ANK3: variants seen among roughly 807,000 people sequenced by gnomAD.
ANK3 encodes ankyrin-3.
In ANK3, 57 loss-of-function variants were observed where a neutral mutation model predicts 370.9. That is an observed-to-expected ratio of 0.15 (90% CI 0.12 to 0.19). The LOEUF is 0.19. Among genes scored for constraint, ANK3 ranks in the 10% least tolerant of loss-of-function variants. ANK3 has a pLI of 1.00. For missense variants in ANK3, 4,439 were observed against 5,302.1 expected (o/e 0.84, Z 5.06); for synonymous variants, 1,929 against 1,946.3 (o/e 0.99, Z 0.23).
chr10:60,418,334 G>T (rs117469912), intron 2 of ANK3, among the ~76,000 whole-genome samples: 1 of 152,078 alleles, frequency 6.6e-6, no homozygotes, highest in Non-Finnish European at 1.5e-5. Context: ...CCTATGTCTC[G>T]TTAGGTGGTT....
chr10:60,456,647 G>C (rs2064755565), intron 2 of ANK3, among the ~76,000 whole-genome samples: 1 of 152,076 alleles, frequency 6.6e-6, no homozygotes. Flanking sequence ...TCATCAATAG[G>C]ATGGTCCCAT....
At chr10:60,619,055 T>C (rs567287709) in intron 1 of ANK3, among the ~76,000 whole-genome samples, 1 of 152,216 alleles carries the variant, frequency 6.6e-6, no homozygotes, top group Non-Finnish European at 1.5e-5. Flanking sequence ...AGGTTAGTTC[T>C]GCCCTCTTCT....
chr10:60,292,118 G>A (rs942077310), intron 1 of ANK3, among the ~76,000 whole-genome samples: 1 of 152,166 alleles, frequency 6.6e-6, no homozygotes. Context: ...AGCTATACAA[G>A]AGGAACAGAC....
chr10:60,206,223 A>C (rs2096759631), intron 10 of ANK3, among the ~76,000 whole-genome samples: 1 of 152,188 alleles, frequency 6.6e-6, no homozygotes, highest in Non-Finnish European at 1.5e-5. Context: ...GTGTAATCCC[A>C]GCACTTTGGG....
intron 8 of ANK3, among the ~76,000 whole-genome samples, chr10:60,224,404 G>A (rs1396163096): frequency 6.6e-6 from 1 of 152,212 alleles, no homozygotes; most frequent in African/African-American, 2.4e-5. Flanking sequence ...CGGACAGAAT[G>A]CTCTCATGTT....
intron 1 of ANK3, among the ~76,000 whole-genome samples, chr10:60,347,351 C>T (rs763738914): frequency 2.6e-5 from 4 of 151,652 alleles, no homozygotes; most frequent in East Asian, 1.9e-4. Context: ...CATGAAACTA[C>T]GTAGATAGTA....
At chr10:60,690,530 A>T (rs904476416) in intron 1 of ANK3, among the ~76,000 whole-genome samples, 1 of 152,180 alleles carries the variant, frequency 6.6e-6, no homozygotes, top group Non-Finnish European at 1.5e-5. Context: ...GAAAACTTAA[A>T]ACTTAATACT....
At chr10:60,616,735 C>T (rs995389689) in intron 1 of ANK3, among the ~76,000 whole-genome samples, 6 of 152,084 alleles carry the variant, frequency 3.9e-5, no homozygotes, top group South Asian at 2.1e-4. Context: ...AAGGAACAAA[C>T]TTTTTTCATG....
intron 7 of ANK3, among the ~76,000 whole-genome samples, chr10:60,240,163 C>T (rs1207301984): frequency 2.4e-4 from 28 of 118,070 alleles, no homozygotes; most frequent in South Asian, 8.3e-4. Flanking sequence ...TACATATATA[C>T]ACATATATAT....
chr10:60,074,901 A>T lies in ANK3; in HGVS notation c.5980T>A (p.Ser1994Thr), dbSNP rs554140078. The T allele has an allele frequency of 6.2e-7, 1 of 1,613,988 alleles. No homozygotes were observed. The highest frequency in any genetic ancestry group is 1.7e-5 in the Admixed American group (1 of 60,008). The change falls in exon 37 of 44, where the codon TCG (serine) becomes ACG (threonine). Residue 1994 changes from serine (S) to threonine (T), a missense_variant. Coordinates refer to ENST00000280772, the MANE Select transcript of ANK3 (RefSeq NM_020987.5). ...SPEDDWIEFS[S>T]EEIREARQQA... is the part of the protein sequence containing the mutation. ...TGTCTGGCTTCCCGGATTTCTTCCG[A>T]ACTAAATTCTATCCAGTCATCTTCA...
At position 60,684,385 on chromosome 10, in the gene ANK3, G is replaced by A. The variant is rs576390235; in HGVS notation, c.57+48878C>T. ...CACCTCCCCAGCGGCTGAGAGAGACGTTGAGTGAAGGGGAGGGAAGGATGG... is the reference window on the plus strand; with the variant it reads ...CACCTCCCCAGCGGCTGAGAGAGACATTGAGTGAAGGGGAGGGAAGGATGG... On this transcript the variant is annotated intron_variant, in intron 1 of 43. Transcript: ENST00000373827. 142 of 562,050 alleles carry A rather than the reference G, an allele frequency of 2.5e-4. 1 individual carries two copies. The highest frequency in any genetic ancestry group is 2.3e-3 in the African/African-American group (118 of 51,884). 34.8% of individuals were successfully genotyped at this position (562,050 alleles called of 1,614,324 possible).
At chr10:60,585,771 C>T (rs1418350864) in intron 2 of ANK3, among the ~76,000 whole-genome samples, 3 of 152,246 alleles carry the variant, frequency 2.0e-5, no homozygotes, top group South Asian at 4.1e-4. Flanking sequence ...CGTACGTAAT[C>T]CCAGCACTTT....
At chr10:60,366,171 C>A (rs140997054) in intron 1 of ANK3, among the ~76,000 whole-genome samples, 1 of 151,658 alleles carries the variant, frequency 6.6e-6, no homozygotes, top group Non-Finnish European at 1.5e-5. Context: ...AATCCCGTCT[C>A]TACTAAAAAT....
chr10:60,345,295 C>T (rs10821736), intron 1 of ANK3, among the ~76,000 whole-genome samples: 18,034 of 152,050 alleles, frequency 0.12, 1,465 homozygotes, highest in East Asian at 0.25. Flanking sequence ...TTTCCCATTT[C>T]GTGCATGTGT....
At position 60,281,205 on chromosome 10, in the gene ANK3, T is replaced by C. The variant is rs115055671; in HGVS notation, c.115-1566A>G. ...CCTGCCCCCTTCTCTTTTACAGTAATGAGCCTCTCTCAATCACTACTGTGC... is the reference window on the plus strand; with the variant it reads ...CCTGCCCCCTTCTCTTTTACAGTAACGAGCCTCTCTCAATCACTACTGTGC... On this transcript the variant is annotated intron_variant, in intron 1 of 43. Transcript: ENST00000280772. 9.0e-3 allele frequency among the ~76,000 whole-genome samples: 1,371 copies of C among 152,292 alleles called. 23 individuals carry two copies. Among genetic ancestry groups the C allele is most frequent in the African/African-American group, 0.032 (1,318 of 41,580 alleles).
At chr10:60,664,241 T>C (rs943619270) in intron 1 of ANK3, among the ~76,000 whole-genome samples, 4 of 152,238 alleles carry the variant, frequency 2.6e-5, no homozygotes, top group African/African-American at 9.6e-5. Context: ...CTTGTACTAA[T>C]ACTGTCAAGT....
chr10:60,110,874 TAC>T (rs1350117832), intron 26 of ANK3, among the ~76,000 whole-genome samples: 2 of 152,096 alleles, frequency 1.3e-5, no homozygotes, highest in Admixed American at 6.6e-5. Context: ...CATACACACA[TAC>T]ACACACACTG....
intron 1 of ANK3, among the ~76,000 whole-genome samples, chr10:60,380,202 C>A (rs1235229041): frequency 6.6e-6 from 1 of 152,110 alleles, no homozygotes; most frequent in Non-Finnish European, 1.5e-5. Context: ...AGTAATATCA[C>A]CCTCCTACTA....
intron 7 of ANK3, among the ~76,000 whole-genome samples, chr10:60,257,725 T>G (rs1009179345): frequency 4.6e-5 from 7 of 152,174 alleles, no homozygotes; most frequent in Non-Finnish European, 8.8e-5. Flanking sequence ...ACATTTACTT[T>G]TTTGGTTCCG....
Sources: gnomAD v4.1 joint callset for allele counts (sites outside exome capture counted in the v4.1 genomes callset) on GRCh38, gnomAD v4.1.1 for gene constraint, MANE v1.5 for transcripts, NCBI Gene and HGNC (gene_info 2026-07-23, HGNC 2026-07-21) for gene names.